PRH1: variants seen among roughly 807,000 people sequenced by gnomAD.
PRH1 encodes salivary acidic proline-rich phosphoprotein 1/2.
In PRH1, 7 loss-of-function variants were observed where a neutral mutation model predicts 7.9. The ratio of observed to expected loss-of-function variants is 0.89; its 90% CI spans 0.50 to 1.67. The LOEUF (loss-of-function observed/expected upper bound fraction) is 1.67, where lower values mean the gene tolerates loss of function less well. Among genes scored for constraint, PRH1 ranks in the 40% most tolerant of loss-of-function variants. The pLI is 0.00. For synonymous variants in PRH1, 45 were observed against 80.8 expected (o/e 0.56, Z 2.38); for missense variants, 109 against 223.6 (o/e 0.49, Z 3.27).
At chr12:10,921,339 C>A (rs978669162) in intron 2 of PRH1, among the ~76,000 whole-genome samples, 5 of 151,940 alleles carry the variant, frequency 3.3e-5, no homozygotes, top group African/African-American at 1.2e-4. Flanking sequence ...CATTCAAAAT[C>A]TTTGAAATTG....
chr12:10,972,054 G>T (rs1938840031), intron 2 of PRH1, among the ~76,000 whole-genome samples: 1 of 152,150 alleles, frequency 6.6e-6, no homozygotes, highest in South Asian at 2.1e-4. Flanking sequence ...GAGAAAATAT[G>T]ATTAGTTATT....
At chr12:10,884,257 G>C, upstream of PRH1, 2 of 1,613,654 alleles carry the variant, frequency 1.2e-6, no homozygotes, top group Non-Finnish European at 8.5e-7. Flanking sequence ...CTTTGTGCTG[G>C]GAGAAACGTG....
At chr12:10,957,004 T>C (rs946727930) in intron 2 of PRH1, among the ~76,000 whole-genome samples, 1 of 151,946 alleles carries the variant, frequency 6.6e-6, no homozygotes. Context: ...AATTTATAGA[T>C]TCAATGCTAT....
At chr12:11,036,717 T>G (rs1466941820) in intron 1 of PRH1, among the ~76,000 whole-genome samples, 2 of 152,230 alleles carry the variant, frequency 1.3e-5, no homozygotes, top group Non-Finnish European at 2.9e-5. Context: ...ACTTGAACTT[T>G]GCTGTTTACT....
upstream of PRH1, chr12:11,049,166 C>A (rs1316887406): frequency 6.0e-6 from 1 of 167,282 alleles, no homozygotes; most frequent in African/African-American, 3.4e-5. Flanking sequence ...TCAAGGACAC[C>A]TACTAGAGCT....
chr12:11,171,377 G>A (rs1331601872), intron 1 of PRH1: 4 of 1,231,922 alleles, frequency 3.2e-6, no homozygotes, highest in South Asian at 4.1e-5. Flanking sequence ...CGGCGGCTCC[G>A]TCCTCCTTGG....
At chr12:10,988,829 C>T (rs987228007) in intron 1 of PRH1, among the ~76,000 whole-genome samples, 4 of 151,838 alleles carry the variant, frequency 2.6e-5, no homozygotes, top group African/African-American at 9.7e-5. Context: ...TTTTTTGAGA[C>T]AGAGTCTCGC....
chr12:11,063,571 C>G (rs1173584429), intron 1 of PRH1, among the ~76,000 whole-genome samples: 1 of 152,072 alleles, frequency 6.6e-6, no homozygotes, highest in Admixed American at 6.6e-5. Context: ...AATCCAACAA[C>G]ATGTGAGATA....
chr12:11,053,896 C>T (rs945258098), intron 1 of PRH1, among the ~76,000 whole-genome samples: 13 of 152,188 alleles, frequency 8.5e-5, no homozygotes, highest in African/African-American at 3.1e-4. Flanking sequence ...TCTCAGCTAA[C>T]TGCAACCTCC....
chr12:10,953,460 G>T (rs1469571874), intron 2 of PRH1, among the ~76,000 whole-genome samples: 1 of 152,132 alleles, frequency 6.6e-6, no homozygotes, highest in Non-Finnish European at 1.5e-5. Context: ...ACGAATTTTG[G>T]AATACTAATG....
chr12:11,030,127 A>T (rs1462329816), intron 1 of PRH1, among the ~76,000 whole-genome samples: 1 of 152,290 alleles, frequency 6.6e-6, no homozygotes, highest in Non-Finnish European at 1.5e-5. Flanking sequence ...CAAAATTCTA[A>T]GAAATTTTTG....
At chr12:10,938,989 T>G (rs1359048629) in intron 2 of PRH1, 2 of 1,613,284 alleles carry the variant, frequency 1.2e-6, no homozygotes, top group Non-Finnish European at 1.7e-6. Flanking sequence ...CAAATAAAGC[T>G]GGGAAAAACA....
chr12:11,106,848 A>G (rs1035154528), intron 1 of PRH1, among the ~76,000 whole-genome samples: 1 of 152,180 alleles, frequency 6.6e-6, no homozygotes, highest in Admixed American at 6.5e-5. Context: ...GCAAATGATA[A>G]TAATATTCTC....
chr12:11,004,832 T>C (rs1940754093), intron 1 of PRH1, among the ~76,000 whole-genome samples: 1 of 152,084 alleles, frequency 6.6e-6, no homozygotes, highest in African/African-American at 2.4e-5. Flanking sequence ...AATTTCAGGA[T>C]TGTTTAACAA....
chr12:10,935,860 C>CA, intron 2 of PRH1, among the ~76,000 whole-genome samples: 1 of 152,106 alleles, frequency 6.6e-6, no homozygotes, highest in East Asian at 1.9e-4. Flanking sequence ...GTTAAGCAGG[C>CA]AAAAATGGGA....
chr12:11,168,283 AGAAAGAAAGAAAGAAAGAAG>A lies in PRH1; in HGVS notation n.39+3119_39+3138del, dbSNP rs1565725721. 4.0e-4 allele frequency among the ~76,000 whole-genome samples: 13 copies of A among 32,352 alleles called. 1 individual carries two copies. The highest frequency in any genetic ancestry group is 6.9e-4 in the Admixed American group (2 of 2,884). The allele number at this position is 32,352 out of a possible 152,430, so 21.2% of individuals were successfully genotyped here. Reference sequence around the variant, plus strand: ...AAGAAAGAAAGAAAGAAAGAAAGAAAGAAAGAAAGAAAGAAAGAAGGAAGGAAGGAAGGAAGGAAGGAAGG... The same window carrying A: ...AAGAAAGAAAGAAAGAAAGAAAGAAAGAAGGAAGGAAGGAAGGAAGGAAGG... On this transcript the variant is annotated intron_variant and non_coding_transcript_variant, in intron 1 of 1. Transcript: ENST00000541175.
chr12:11,005,128 G>C (rs1219582276), intron 1 of PRH1, among the ~76,000 whole-genome samples: 1 of 151,938 alleles, frequency 6.6e-6, no homozygotes, highest in East Asian at 1.9e-4. Flanking sequence ...AAAGCACCAG[G>C]GCATGCTAAT....
At chr12:11,168,213 GAAGAAAGAAAGAAA>G (rs1947647007) in intron 1 of PRH1, among the ~76,000 whole-genome samples, 2 of 19,622 alleles carry the variant, frequency 1.0e-4, no homozygotes, top group East Asian at 1.6e-3. Context: ...AAGAAAGAAA[GAAGAAAGAAAGAAA>G]GAAAGAAAGA....
chr12:11,098,437 A>G (rs1032636293), intron 1 of PRH1, among the ~76,000 whole-genome samples: 4 of 152,144 alleles, frequency 2.6e-5, no homozygotes, highest in Non-Finnish European at 5.9e-5. Flanking sequence ...GGCTGGAATT[A>G]TTCATACTGA....
Sources: allele counts gnomAD v4.1 joint callset (sites outside exome capture counted in the v4.1 genomes callset), GRCh38; gene constraint gnomAD v4.1.1; transcripts MANE v1.5; gene names NCBI Gene and HGNC (gene_info 2026-07-23, HGNC 2026-07-21).